The following INPP4A variants were observed in gnomAD, a reference collection of about 807,000 sequenced individuals.
INPP4A encodes inositol polyphosphate-4-phosphatase, type I, 107kD.
INPP4A carries 33 observed loss-of-function variants against 119.8 expected under a neutral mutation model. That is an observed-to-expected ratio of 0.28 (90% CI 0.21 to 0.37). The LOEUF is 0.37. Ranked by LOEUF, INPP4A falls within the 10% of genes least tolerant of loss-of-function variation. INPP4A has a pLI of 1.00. For synonymous variants in INPP4A, 496 were observed against 500.7 expected, an observed-to-expected ratio of 0.99 and a Z score of 0.12; for missense variants, 956 against 1,289.9, an observed-to-expected ratio of 0.74 and a Z score of 3.97.
chr2:98,528,608 A>G (rs1163822256), intron 4 of INPP4A, among the ~76,000 whole-genome samples: 1 of 152,256 alleles, frequency 6.6e-6, no homozygotes. Flanking sequence ...TTGATACATC[A>G]TACTCAAATC....
In INPP4A at chr2:98,520,438, C is replaced by T. The variant is rs1260675048; in HGVS notation, c.107-249C>T. Reference sequence around the variant, plus strand: ...GGAATGTCCAAGTGTTTTGCTGGCCCATGCCCAGGCCATGGTAAAAGCCCT... The same window carrying T: ...GGAATGTCCAAGTGTTTTGCTGGCCTATGCCCAGGCCATGGTAAAAGCCCT... On this transcript the variant is annotated intron_variant, in intron 3 of 24. Transcript: ENST00000409851. 3.3e-5 allele frequency among the ~76,000 whole-genome samples: 5 copies of T among 152,304 alleles called. 1 individual carries two copies. The highest frequency in any genetic ancestry group is 1.2e-4 in the African/African-American group (5 of 41,564).
intron 1 of INPP4A, among the ~76,000 whole-genome samples, chr2:98,500,740 A>G (rs763109580): frequency 1.3e-5 from 2 of 152,194 alleles, no homozygotes; most frequent in Non-Finnish European, 2.9e-5. Flanking sequence ...CACCTAGGGA[A>G]TGGTGGTAGA....
At chr2:98,552,023 G>A (rs1267917058) in intron 13 of INPP4A, among the ~76,000 whole-genome samples, 1 of 152,200 alleles carries the variant, frequency 6.6e-6, no homozygotes, top group African/African-American at 2.4e-5. Flanking sequence ...GGGCTGGGCT[G>A]TAGGCTTGGC....
At chr2:98,572,288 AGGAGCTGTTAGGATGTG>A (rs1228813559) in intron 22 of INPP4A, among the ~76,000 whole-genome samples, 1 of 152,152 alleles carries the variant, frequency 6.6e-6, no homozygotes, top group Non-Finnish European at 1.5e-5. Context: ...AGAGTGGAGG[AGGAGCTGTTAGGATGTG>A]GGAGCAGGGG....
chr2:98,506,460 T>C (rs1441126455), intron 1 of INPP4A, among the ~76,000 whole-genome samples: 2 of 151,114 alleles, frequency 1.3e-5, no homozygotes, highest in Non-Finnish European at 3.0e-5. Context: ...TCAAAACATG[T>C]GGGCAGCATT....
chr2:98,482,927 T>C (rs1407405957), intron 1 of INPP4A, among the ~76,000 whole-genome samples: 1 of 152,206 alleles, frequency 6.6e-6, no homozygotes, highest in Non-Finnish European at 1.5e-5. Context: ...GAAATGCTTA[T>C]TGGAGCATTT....
chr2:98,576,922 G>T lies in INPP4A; in HGVS notation c.2632-67G>T, dbSNP rs1553519699. On this transcript the variant is annotated intron_variant, in intron 23 of 24. Coordinates refer to ENST00000409851, the MANE Select transcript of INPP4A (RefSeq NM_001134225.2). ...GCTGGGCTGGTTGGGAGCCTTTCCT[G>T]TGTGTGAAGGGTGCTGCCTTTCTGT... The T allele has an allele frequency of 9.0e-6, 14 of 1,547,464 alleles. No homozygotes were observed. The South Asian group carries it at 1.5e-4, about 16-fold the overall frequency.
At chr2:98,536,303 C>T in intron 7 of INPP4A, 95 bp downstream of exon 7, 1 of 747,306 alleles carries the variant, frequency 1.3e-6, no homozygotes, top group South Asian at 1.6e-5. Flanking sequence ...GAGAGAGCAC[C>T]CTTCCCTTCC....
intron 1 of INPP4A, among the ~76,000 whole-genome samples, chr2:98,456,940 G>A (rs1696238998): frequency 6.6e-6 from 1 of 152,232 alleles, no homozygotes. Context: ...AGAGAAGAAA[G>A]CCAGTGGATG....
chr2:98,574,304 A>G (rs1306212937), intron 23 of INPP4A, among the ~76,000 whole-genome samples: 2 of 151,856 alleles, frequency 1.3e-5, no homozygotes, highest in African/African-American at 2.4e-5. Context: ...ACCTTAAGAG[A>G]TTTTGTGTGA....
At position 98,577,093 on chromosome 2, in the gene INPP4A, G is replaced by A; in HGVS notation, c.2736G>A (p.Glu912=). Residue 912 remains glutamate (E), a synonymous_variant, in exon 24 of 25, where the codon GAG becomes GAA. Coordinates refer to ENST00000409851, the MANE Select transcript of INPP4A (RefSeq NM_001134225.2). The stretch of plus-strand genomic sequence containing the variant: ...AGCAGTGCCTGATCCTGCAACACGA[G>A]CATGGCATGGCCCCGCAGGTCTTCA... ...TLEQCLILQH[E]HGMAPQVFTQ... is the part of the protein sequence containing the mutation. 2 of 1,613,872 alleles carry A rather than the reference G, an allele frequency of 1.2e-6. No individual in the cohort carries two copies. The highest frequency in any genetic ancestry group is 1.7e-6 in the Non-Finnish European group (2 of 1,179,786).
At chr2:98,549,269 C>CT (rs1380948971) in intron 13 of INPP4A, among the ~76,000 whole-genome samples, 1 of 152,140 alleles carries the variant, frequency 6.6e-6, no homozygotes, top group Non-Finnish European at 1.5e-5. Flanking sequence ...CAGGAAGCCC[C>CT]TGGGTGCTGG....
intron 24 of INPP4A, chr2:98,581,513 T>G: frequency 6.8e-7 from 1 of 1,461,686 alleles, no homozygotes; most frequent in Middle Eastern, 1.8e-4. Flanking sequence ...TCTTCTTTTT[T>G]TCTTTATTTT....
chr2:98,567,644 T>C (rs531590862), intron 21 of INPP4A, among the ~76,000 whole-genome samples: 106 of 152,114 alleles, frequency 7.0e-4, no homozygotes, highest in Non-Finnish European at 1.3e-3. Flanking sequence ...GATGCAACAC[T>C]GAGGACAGAG....
chr2:98,535,646 T>C, intron 5 of INPP4A, 83 bp from the exon 6 acceptor site: 1 of 673,416 alleles, frequency 1.5e-6, no homozygotes. Context: ...AGTTTCTCAT[T>C]CTGAAAATGT....
At chr2:98,584,312 C>T (rs1258598093) in intron 24 of INPP4A, among the ~76,000 whole-genome samples, 2 of 152,272 alleles carry the variant, frequency 1.3e-5, no homozygotes, top group African/African-American at 2.4e-5. Flanking sequence ...TGGTCCTGCT[C>T]CTGGTAACGT....
At chr2:98,492,366 G>A (rs1191491922) in intron 1 of INPP4A, among the ~76,000 whole-genome samples, 2 of 152,198 alleles carry the variant, frequency 1.3e-5, no homozygotes, top group Admixed American at 1.3e-4. Context: ...AGCATGGTTT[G>A]CTTTTTATGA....
chr2:98,565,882 T>C, intron 20 of INPP4A, 116 bp downstream of exon 20: 1 of 1,518,240 alleles, frequency 6.6e-7, no homozygotes, highest in South Asian at 1.2e-5. Flanking sequence ...ATGCTCTGAT[T>C]ACAGCCCCCT....
chr2:98,535,501 G>A (rs1290912479), intron 5 of INPP4A, among the ~76,000 whole-genome samples: 2 of 152,188 alleles, frequency 1.3e-5, no homozygotes, highest in Non-Finnish European at 2.9e-5. Context: ...CTGATTTATT[G>A]TATGTGGATC....
Sources: allele counts gnomAD v4.1 joint callset (sites outside exome capture counted in the v4.1 genomes callset), GRCh38; gene constraint gnomAD v4.1.1; transcripts MANE v1.5; gene names NCBI Gene and HGNC (gene_info 2026-07-23, HGNC 2026-07-21).